MASP1: variants seen among roughly 807,000 people sequenced by gnomAD.
The protein encoded by MASP1 is mannan-binding lectin serine protease 1.
In MASP1, 59 loss-of-function variants were observed where a neutral mutation model predicts 77.1. That is an observed-to-expected ratio of 0.77 (90% CI 0.62 to 0.95). MASP1 has a LOEUF of 0.95. Ranked by LOEUF, MASP1 falls within the 40% of genes least tolerant of loss-of-function variation. The probability of loss-of-function intolerance (pLI) is 0.00; values close to 1 mark genes in which losing one functional copy is unlikely to be tolerated. For missense variants in MASP1, 885 were observed against 912.9 expected, an observed-to-expected ratio of 0.97 and a Z score of 0.39; for synonymous variants, 362 against 354.5, an observed-to-expected ratio of 1.02 and a Z score of -0.24.
At chr3:187,260,612 G>A in intron 4 of MASP1, 129 bp downstream of exon 4, 3 of 1,283,344 alleles carry the variant, frequency 2.3e-6, no homozygotes, top group Admixed American at 1.8e-5. Flanking sequence ...TCCATGTGGT[G>A]TCTGAGGTGC....
chr3:187,266,908 C>T (rs1032317193), intron 2 of MASP1, among the ~76,000 whole-genome samples: 3 of 152,152 alleles, frequency 2.0e-5, no homozygotes, highest in African/African-American at 7.2e-5. Context: ...AGAACAGCTA[C>T]TCTAGGGAAG....
Position 187,253,326 on chromosome 3 carries a change from T to TGAGA in MASP1, c.745-15_745-12dup, listed in dbSNP as rs745796040. On this transcript the variant is annotated splice_polypyrimidine_tract_variant and intron_variant, in intron 5 of 10. Coordinates refer to ENST00000296280, the MANE Select transcript of MASP1 (RefSeq NM_139125.4). ...TGGACCAACTTTGATCTGCAAAATATGAGAGAGAGAGAGAGAAATAGAGTG... is the reference window on the plus strand; with the variant it reads ...TGGACCAACTTTGATCTGCAAAATATGAGAGAGAGAGAGAGAGAGAAATAGAGTG... 4.4e-5 allele frequency: 71 copies of TGAGA among 1,605,218 alleles called. No homozygotes were observed. The highest frequency in any genetic ancestry group is 8.4e-5 in the Admixed American group (5 of 59,758).
At chr3:187,224,281 CT>C (rs1185677643) in intron 13 of MASP1, among the ~76,000 whole-genome samples, 1 of 151,556 alleles carries the variant, frequency 6.6e-6, no homozygotes, top group Non-Finnish European at 1.5e-5. Flanking sequence ...GGTTAAATAA[CT>C]TCCTGAAGAT....
intron 14 of MASP1, among the ~76,000 whole-genome samples, chr3:187,222,674 T>C (rs1231630472): frequency 6.8e-6 from 1 of 148,130 alleles, no homozygotes; most frequent in African/African-American, 2.5e-5. Context: ...TTACTTTTAG[T>C]TAAGTGTTTT....
At chr3:187,249,679 G>C (rs569792910) in intron 8 of MASP1, among the ~76,000 whole-genome samples, 29 of 152,308 alleles carry the variant, frequency 1.9e-4, no homozygotes, top group African/African-American at 6.5e-4. Flanking sequence ...TTATAGTTGA[G>C]GCGAAGGGTC....
intron 5 of MASP1, among the ~76,000 whole-genome samples, chr3:187,255,821 T>G (rs139751762): frequency 6.6e-6 from 1 of 151,882 alleles, no homozygotes; most frequent in East Asian, 1.9e-4. Flanking sequence ...TAATCTATTA[T>G]GTTCTAGCTT....
Position 187,243,496 on chromosome 3 carries a change from T to C in MASP1, c.1216A>G (p.Asn406Asp). The change falls in exon 9 of 11, where the codon AAC becomes GAC. Residue 406 changes from asparagine (N) to aspartate (D), a missense_variant. Asn to Asp is a conservative substitution (Grantham distance 23). Coordinates refer to ENST00000296280, the MANE Select transcript of MASP1 (RefSeq NM_139125.4). ...ATGGATGGCTTACCTGTGTTATTGT[T>C]GAGCATCTTGTAATAGGGCTCCTGA... ...SCQEPYYKMLNNNTGIYTCSA... is the reference protein window; with the variant it reads ...SCQEPYYKMLDNNTGIYTCSA... 6.2e-7 allele frequency: 1 copy of C among 1,613,656 alleles called. No individual in the cohort carries two copies. The highest frequency in any genetic ancestry group is 8.5e-7 in the Non-Finnish European group (1 of 1,179,540).
intron 2 of MASP1, among the ~76,000 whole-genome samples, chr3:187,282,349 T>C (rs1259093181): frequency 1.3e-5 from 2 of 151,780 alleles, no homozygotes; most frequent in African/African-American, 4.8e-5. Context: ...TACAAAAAAT[T>C]AGTCAGGCAT....
At chr3:187,266,627 C>T (rs930875482) in intron 2 of MASP1, among the ~76,000 whole-genome samples, 2 of 151,994 alleles carry the variant, frequency 1.3e-5, no homozygotes, top group African/African-American at 4.8e-5. Context: ...ATAGTGAAGG[C>T]CTGGGGTATT....
Position 187,260,842 on chromosome 3 carries a change from T to A in MASP1, c.446A>T (p.Glu149Val). 1 of 1,614,140 alleles carries A rather than the reference T, an allele frequency of 6.2e-7. No homozygotes were observed. The highest frequency in any genetic ancestry group is 8.5e-7 in the Non-Finnish European group (1 of 1,180,010). The change falls in exon 4 of 11, where the codon GAG becomes GTG. Residue 149 changes from glutamate to valine, a missense_variant. By Grantham distance (121) the Glu-to-Val change is moderately radical (BLOSUM62 -2). Coordinates refer to ENST00000296280, the MANE Select transcript of MASP1 (RefSeq NM_139125.4). ...GCAGTAGTGGTCACAGGACAGCTCC[T>A]CGTCCTCCCTCTCCTTGCACTCGTC... is the stretch of plus-strand genomic sequence containing the variant. ...DVDECKERED[E>V]ELSCDHYCHN... is the part of the protein sequence containing the mutation.
chr3:187,291,486 G>C (rs1206902802), intron 1 of MASP1, 142 bp downstream of exon 1: 2 of 1,138,126 alleles, frequency 1.8e-6, no homozygotes, highest in Non-Finnish European at 2.6e-6. Flanking sequence ...CCTTCTCAGA[G>C]CCCTAAGAAT....
At chr3:187,258,225 C>T (rs965403327) in intron 4 of MASP1, among the ~76,000 whole-genome samples, 1 of 152,170 alleles carries the variant, frequency 6.6e-6, no homozygotes, top group African/African-American at 2.4e-5. Flanking sequence ...TTCCACCAGC[C>T]ATAACTGTAG....
At chr3:187,259,331 A>C (rs1715363648) in intron 4 of MASP1, among the ~76,000 whole-genome samples, 1 of 152,136 alleles carries the variant, frequency 6.6e-6, no homozygotes, top group Admixed American at 6.6e-5. Context: ...TGAGTTCCTG[A>C]CTGTTTTCAT....
downstream of MASP1, chr3:187,229,776 G>A (rs72549158): frequency 4.2e-5 from 68 of 1,614,134 alleles, no homozygotes; most frequent in African/African-American, 4.9e-4. Context: ...GGGAGCCTCC[G>A]CAGAAGGGCT....
At chr3:187,223,127 C>T (rs770794598) in exon 14 of MASP1, 1 of 1,613,666 alleles carries the variant, frequency 6.2e-7, no homozygotes, top group African/African-American at 1.3e-5. Context: ...TGAACTTCAC[C>T]TCCATCAGGG....
rs116585989 is a variant in MASP1 at position 187,254,781 on chromosome 3, G to A, written c.745-1466C>T. 4.2e-3 allele frequency among the ~76,000 whole-genome samples: 640 copies of A among 152,246 alleles called. 3 individuals carry two copies. Among genetic ancestry groups the A allele is most frequent in the Middle Eastern group, 0.01 (3 of 294 alleles). ...GCAATAGGCTCTATTATCTGATCCG[G>A]ATTCCCCACCTCTCAGTCCTGGTTC... On this transcript the variant is annotated intron_variant, in intron 5 of 10. Coordinates refer to ENST00000296280, the MANE Select transcript of MASP1 (RefSeq NM_139125.4).
At chr3:187,244,742 T>C (rs916468246) in intron 8 of MASP1, 1 of 152,240 alleles carries the variant, frequency 6.6e-6, no homozygotes, top group Non-Finnish European at 1.5e-5. Flanking sequence ...TCCAGTTAAA[T>C]GGCCTATTCT....
chr3:187,254,599 A>C (rs1714913876), intron 5 of MASP1, among the ~76,000 whole-genome samples: 1 of 152,212 alleles, frequency 6.6e-6, no homozygotes, highest in African/African-American at 2.4e-5. Flanking sequence ...TCTAGCTTTT[A>C]TAAAGATCAC....
Position 187,235,463 on chromosome 3 carries a change from A to G in MASP1, c.*221T>C. On this transcript the variant is annotated 3_prime_UTR_variant, in exon 11 of 11. Coordinates refer to ENST00000296280, the MANE Select transcript of MASP1 (RefSeq NM_139125.4). ...CGGTAGAGTGAGGCCCAGACAGGGA[A>G]AGAGACTTGGACAAGCTCAGGAACA... The G allele has an allele frequency of 6.6e-7, 1 of 1,518,378 alleles. No homozygotes were observed. The highest frequency in any genetic ancestry group is 8.8e-7 in the Non-Finnish European group (1 of 1,137,078). The allele number at this position is 1,518,378 out of a possible 1,614,324, so 94.1% of individuals were successfully genotyped here. A position where few individuals can be genotyped will look rare whatever the true frequency, so the allele number is the denominator to read the frequency against.
Sources: gnomAD v4.1 joint callset for allele counts (sites outside exome capture counted in the v4.1 genomes callset) on GRCh38, gnomAD v4.1.1 for gene constraint, MANE v1.5 for transcripts, NCBI Gene and HGNC (gene_info 2026-07-23, HGNC 2026-07-21) for gene names.